GSE1: variants seen among roughly 807,000 people sequenced by gnomAD.
GSE1 encodes genetic suppressor element 1.
A neutral mutation model predicts 112.6 loss-of-function variants in GSE1; 32 were observed. The observed-to-expected ratio is 0.28, with a 90% CI of 0.21 to 0.38. GSE1 has a LOEUF of 0.38. Among genes scored for constraint, GSE1 ranks in the 10% least tolerant of loss-of-function variants. The pLI is 1.00. For missense variants in GSE1, 2,348 were observed against 1,699.2 expected (o/e 1.38, Z -6.71); for synonymous variants, 1,115 against 735.6 (o/e 1.52, Z -8.35).
chr16:85,493,339 G>C (rs1770979794), intron 2 of GSE1, among the ~76,000 whole-genome samples: 1 of 151,924 alleles, frequency 6.6e-6, no homozygotes, highest in Non-Finnish European at 1.5e-5. Context: ...TCTTCTACTT[G>C]GGAGGCCAAG....
chr16:85,566,103 C>A (rs1394028233), intron 1 of GSE1, among the ~76,000 whole-genome samples: 1 of 152,180 alleles, frequency 6.6e-6, no homozygotes, highest in African/African-American at 2.4e-5. Context: ...AGTTAACTGG[C>A]AGAAGGGAGG....
chr16:85,621,726 G>A (rs979311201), intron 1 of GSE1, among the ~76,000 whole-genome samples: 1 of 152,208 alleles, frequency 6.6e-6, no homozygotes, highest in Non-Finnish European at 1.5e-5. Flanking sequence ...CTGGCAGAGT[G>A]GACCCTGGGG....
intron 2 of GSE1, among the ~76,000 whole-genome samples, chr16:85,410,032 GGC>G (rs1491292626): frequency 1.5e-4 from 1 of 6,876 alleles, no homozygotes. Flanking sequence ...TTACACTCAG[GGC>G]CCCCCCCGGA....
intron 2 of GSE1, among the ~76,000 whole-genome samples, chr16:85,396,053 T>C (rs1389570216): frequency 6.6e-6 from 1 of 152,250 alleles, no homozygotes; most frequent in East Asian, 1.9e-4. Context: ...TTCTCTTGGA[T>C]ATGAACAAGG....
At chr16:85,300,815 G>T (rs1423178556) in intron 1 of GSE1, among the ~76,000 whole-genome samples, 1 of 152,138 alleles carries the variant, frequency 6.6e-6, no homozygotes, top group Non-Finnish European at 1.5e-5. Context: ...AGTTGGCCCC[G>T]ACCACCCACC....
intron 2 of GSE1, among the ~76,000 whole-genome samples, chr16:85,460,976 G>C (rs79629028): frequency 0.028 from 4,302 of 152,312 alleles, 212 homozygotes; most frequent in African/African-American, 0.099. Context: ...GGAAGCAATT[G>C]TAACAGTCAC....
At chr16:85,418,192 C>T (rs966977657) in intron 2 of GSE1, among the ~76,000 whole-genome samples, 4 of 152,248 alleles carry the variant, frequency 2.6e-5, no homozygotes, top group Non-Finnish European at 5.9e-5. Flanking sequence ...TTGCGAGTCA[C>T]CATGCCAGAC....
chr16:85,193,553 G>A (rs1012321329), intron 1 of GSE1, among the ~76,000 whole-genome samples: 4 of 151,072 alleles, frequency 2.6e-5, no homozygotes, highest in Non-Finnish European at 4.4e-5. Flanking sequence ...TCCGCCTCCC[G>A]GGTTCAAGCG....
At chr16:85,368,090 G>A (rs1173326262) in intron 2 of GSE1, among the ~76,000 whole-genome samples, 1 of 152,150 alleles carries the variant, frequency 6.6e-6, no homozygotes. Context: ...TCGACCTCAG[G>A]TGATCCACCC....
intron 1 of GSE1, among the ~76,000 whole-genome samples, chr16:85,221,329 CACA>C (rs1567618922): frequency 6.7e-6 from 1 of 148,504 alleles, no homozygotes; most frequent in African/African-American, 2.5e-5. Flanking sequence ...CACACACACA[CACA>C]CACCCCAAGT....
chr16:85,669,244 T>C (rs1210137166), intron 14 of GSE1, among the ~76,000 whole-genome samples: 3 of 152,254 alleles, frequency 2.0e-5, no homozygotes, highest in Non-Finnish European at 4.4e-5. Flanking sequence ...GGTATGCGCT[T>C]TGACAAAAGC....
intron 3 of GSE1, among the ~76,000 whole-genome samples, chr16:85,652,355 C>T (rs867922386): frequency 2.6e-5 from 4 of 152,224 alleles, no homozygotes; most frequent in African/African-American, 4.8e-5. Flanking sequence ...CAAGGCCAGG[C>T]GCTGGCTCCT....
rs2053467056 is a variant in GSE1, at chr16:85,673,003, T to G, written c.*464T>G. 1 of 152,462 alleles carries G rather than the reference T, an allele frequency of 6.6e-6. No individual in the cohort carries two copies. The highest frequency in any genetic ancestry group is 1.5e-5 in the Non-Finnish European group (1 of 68,228). The allele number at this position is 152,462 out of a possible 1,614,324, so 9.4% of individuals were successfully genotyped here. On this transcript the variant is annotated 3_prime_UTR_variant, in exon 16 of 16. Coordinates refer to ENST00000253458, the MANE Select transcript of GSE1 (RefSeq NM_014615.5). ...ATTCCTCCCCAGGAGTGAAACTTGC[T>G]TCAGCTGAAAAGGTTGGGTGCATTG...
intron 1 of GSE1, among the ~76,000 whole-genome samples, chr16:85,328,980 C>G (rs951389037): frequency 1.3e-5 from 2 of 152,218 alleles, no homozygotes; most frequent in Admixed American, 6.5e-5. Context: ...GGCCCCAACC[C>G]TTCATCAGGG....
At chr16:85,516,322 C>T (rs960234917) in intron 2 of GSE1, among the ~76,000 whole-genome samples, 4 of 151,874 alleles carry the variant, frequency 2.6e-5, no homozygotes, top group African/African-American at 9.7e-5. Context: ...GAGCCGGCAC[C>T]CACTCACCAG....
intron 2 of GSE1, among the ~76,000 whole-genome samples, chr16:85,477,921 C>T (rs1454144166): frequency 6.6e-6 from 1 of 152,238 alleles, no homozygotes; most frequent in African/African-American, 2.4e-5. Context: ...GCATTTCACC[C>T]TTTTCAAGTG....
At chr16:85,478,644 C>T (rs544321029) in intron 2 of GSE1, among the ~76,000 whole-genome samples, 5 of 151,736 alleles carry the variant, frequency 3.3e-5, no homozygotes, top group Admixed American at 6.6e-5. Context: ...CTGGCATGAA[C>T]GTTCTTGCAT....
intron 1 of GSE1, among the ~76,000 whole-genome samples, chr16:85,211,719 G>A (rs1480079806): frequency 6.6e-6 from 1 of 152,190 alleles, no homozygotes. Context: ...GTGCCCCATG[G>A]AGCCTGACAG....
At chr16:85,247,786 C>T (rs1323018700) in intron 1 of GSE1, among the ~76,000 whole-genome samples, 1 of 152,208 alleles carries the variant, frequency 6.6e-6, no homozygotes, top group African/African-American at 2.4e-5. Context: ...GGGCTGGGCA[C>T]ATGGGGGACA....
Sources: gnomAD v4.1 joint callset for allele counts (sites outside exome capture counted in the v4.1 genomes callset) on GRCh38, gnomAD v4.1.1 for gene constraint, MANE v1.5 for transcripts, NCBI Gene and HGNC (gene_info 2026-07-23, HGNC 2026-07-21) for gene names.